NSD2: variants seen among roughly 807,000 people sequenced by gnomAD.
NSD2 encodes the protein histone-lysine N-methyltransferase NSD2.
NSD2 carries 12 observed loss-of-function variants against 139.0 expected under a neutral mutation model. The ratio of observed to expected loss-of-function variants is 0.09; its 90% CI spans 0.06 to 0.14. The LOEUF (loss-of-function observed/expected upper bound fraction) is 0.14, where lower values mean the gene tolerates loss of function less well. Among genes scored for constraint, NSD2 ranks in the 10% least tolerant of loss-of-function variants. The pLI is 1.00. For missense variants in NSD2, 1,155 were observed against 1,745.0 expected (o/e 0.66, Z 6.02); for synonymous variants, 669 against 648.7 (o/e 1.03, Z -0.48).
chr4:1,889,152 C>T (rs539766727), intron 1 of NSD2, among the ~76,000 whole-genome samples: 1 of 152,156 alleles, frequency 6.6e-6, no homozygotes, highest in African/African-American at 2.4e-5. Flanking sequence ...CCCGCTTTGG[C>T]CTCCCAAAGT....
In NSD2 at chr4:1,973,744, C is replaced by G. The variant is rs982615439; in HGVS notation, c.3373-1119C>G. Among the ~76,000 whole-genome samples the G allele has an allele frequency of 1.3e-5, 2 of 152,242 alleles. No individual in the cohort carries two copies. Among genetic ancestry groups the G allele is most frequent in the African/African-American group, 2.4e-5 (1 of 41,468 alleles). ...TGTGAATAGTGACTCCGAAGCCTGC[C>G]GCTTCCTGGGACCATGTTTATCCCA... On this transcript the variant is annotated intron_variant, in intron 18 of 21. Transcript: ENST00000508803. The surrounding 1 kb of genome is among the most constrained non-coding windows in gnomAD (Gnocchi z 5.5).
chr4:1,967,810 G>C (rs1726043126), intron 18 of NSD2, among the ~76,000 whole-genome samples: 1 of 152,182 alleles, frequency 6.6e-6, no homozygotes, highest in South Asian at 2.1e-4. Context: ...GGTTATACAG[G>C]AGTTGGTCAA....
chr4:1,918,182 A>G lies in NSD2; in HGVS notation c.969A>G (p.Glu323=). 1.9e-6 allele frequency: 3 copies of G among 1,613,150 alleles called. No individual in the cohort carries two copies. In the South Asian group the frequency reaches 3.3e-5, roughly 18 times the overall value. The change falls in exon 5 of 22, where the codon GAA becomes GAG. Residue 323 remains glutamate (E), a synonymous_variant. Transcript: ENST00000508803. ...CAGGGAAATTGAGGGCCCAGTGGGA[A>G]ATGGGCATTGTTCAAGCAGAAGAAG... ...PISGKLRAQW[E]MGIVQAEEAA... is the part of the protein sequence containing the mutation.
intron 1 of NSD2, among the ~76,000 whole-genome samples, chr4:1,894,251 C>T (rs1437690239): frequency 6.6e-6 from 1 of 152,218 alleles, no homozygotes; most frequent in Non-Finnish European, 1.5e-5. Flanking sequence ...GCCACCACGC[C>T]TGGTGAAGAT....
At chr4:1,923,544 G>A (rs1168361216) in intron 5 of NSD2, among the ~76,000 whole-genome samples, 2 of 152,152 alleles carry the variant, frequency 1.3e-5, no homozygotes, top group Non-Finnish European at 2.9e-5. Flanking sequence ...GTCATCAGGT[G>A]AGCAGACATC....
chr4:1,978,863 A>C lies in NSD2; in HGVS notation c.4052A>C (p.Lys1351Thr), dbSNP rs569412351. The change falls in exon 22 of 22, where the codon AAG becomes ACG. Residue 1351 changes from lysine to threonine, a missense_variant. Lys to Thr is a moderately conservative substitution (Grantham distance 78). This residue lies in a region of NSD2 where 132 missense variants were observed against 94.3 expected (regional missense o/e 1.40). Coordinates refer to ENST00000508803, the MANE Select transcript of NSD2 (RefSeq NM_001042424.3). ...CCAGAGCCAGGGAAGCCGAAGGGGA[A>C]GAGGCGGCGGCGGAGGGGCTGGCGG... is the stretch of plus-strand genomic sequence containing the variant. ...PPPEPGKPKG[K>T]RRRRRGWRRV... is the part of the protein sequence containing the mutation. 2 of 1,597,690 alleles carry C rather than the reference A, an allele frequency of 1.3e-6. No homozygotes were observed. Among genetic ancestry groups the C allele is most frequent in the Non-Finnish European group, 1.7e-6 (2 of 1,169,394 alleles).
chr4:1,889,433 G>A (rs975728934), intron 1 of NSD2, among the ~76,000 whole-genome samples: 1 of 151,994 alleles, frequency 6.6e-6, no homozygotes, highest in African/African-American at 2.4e-5. Flanking sequence ...GGGCTCAAGC[G>A]ATCCTCCTGC....
At chr4:1,966,342 G>A (rs914030678) in intron 18 of NSD2, among the ~76,000 whole-genome samples, 21 of 127,422 alleles carry the variant, frequency 1.6e-4, no homozygotes, top group Non-Finnish European at 3.0e-4. Context: ...AACTCCATTT[G>A]TTTGTTTGTT....
At chr4:1,962,002 G>T (rs1304192628) in intron 18 of NSD2, among the ~76,000 whole-genome samples, 1 of 152,222 alleles carries the variant, frequency 6.6e-6, no homozygotes, top group Admixed American at 6.5e-5. Context: ...TTGAAAACCA[G>T]ATAGAAAATG....
Position 1,900,642 on chromosome 4 carries a change from G to A in NSD2, c.-13G>A, listed in dbSNP as rs200712844. The stretch of plus-strand genomic sequence containing the variant: ...ATACCATAGTGTTCTAAGAACGGAA[G>A]CATCTGGGCTGGATGGAATTTAGCA... On this transcript the variant is annotated 5_prime_UTR_variant, in exon 2 of 22. Coordinates refer to ENST00000508803, the MANE Select transcript of NSD2 (RefSeq NM_001042424.3). The A allele has an allele frequency of 1.3e-6, 2 of 1,537,798 alleles. No homozygotes were observed. The highest frequency in any genetic ancestry group is 2.5e-5 in the South Asian group (2 of 79,980).
Position 1,974,817 on chromosome 4 carries a change from C to T in NSD2, c.3373-46C>T, listed in dbSNP as rs1287423445. 1 of 1,609,788 alleles carries T rather than the reference C, an allele frequency of 6.2e-7. No homozygotes were observed. The highest frequency in any genetic ancestry group is 8.5e-7 in the Non-Finnish European group (1 of 1,176,364). On this transcript the variant is annotated intron_variant, in intron 18 of 21. Coordinates refer to ENST00000508803, the MANE Select transcript of NSD2 (RefSeq NM_001042424.3). The surrounding 1 kb of genome is among the most constrained non-coding windows in gnomAD (Gnocchi z 4.0). ...TGGTGAAAATTCCCTTTAAAAATAA[C>T]ATGCGATTGCTAACACTTGACCGAA...
At chr4:1,895,601 A>G (rs952716035) in intron 1 of NSD2, among the ~76,000 whole-genome samples, 20 of 152,138 alleles carry the variant, frequency 1.3e-4, no homozygotes, top group Admixed American at 1.2e-3. Flanking sequence ...GTTCTCCTGT[A>G]GAAGACCTTC....
At position 1,957,944 on chromosome 4, in the gene NSD2, G is replaced by A. The variant is rs779205776; in HGVS notation, c.2893G>A (p.Ala965Thr). 22 of 1,614,052 alleles carry A rather than the reference G, an allele frequency of 1.4e-5. 1 individual carries two copies. In the Admixed American group the frequency reaches 3.7e-4, roughly 27 times the overall value. The change falls in exon 16 of 22, where the codon GCT (alanine) becomes ACT (threonine). Residue 965 changes from alanine to threonine, a missense_variant. This residue lies in a region of NSD2 where 139 missense variants were observed against 485.8 expected (regional missense o/e 0.29). Transcript: ENST00000508803. Reference protein sequence around the residue: ...GRVFKNALQEAEARFREIKLQ... With the variant: ...GRVFKNALQETEARFREIKLQ... ...CATTGACTTTTTAGCACTGCAAGAA[G>A]CTGAAGCTCGTTTTCGTGAAATTAA... is the stretch of plus-strand genomic sequence containing the variant.
In NSD2 at chr4:1,972,703, G is replaced by C. The variant is rs1381757827; in HGVS notation, c.3373-2160G>C. Among the ~76,000 whole-genome samples, 1 of 152,230 alleles carries C rather than the reference G, an allele frequency of 6.6e-6. No homozygotes were observed. The highest frequency in any genetic ancestry group is 1.5e-5 in the Non-Finnish European group (1 of 68,048). ...ATGCATTTTATAATCTGTGTGGTGG[G>C]AAAAGCTGCATGCAACTACTCAGCA... On this transcript the variant is annotated intron_variant, in intron 18 of 21. Transcript: ENST00000508803. The surrounding 1 kb of genome is among the most constrained non-coding windows in gnomAD (Gnocchi z 4.0).
chr4:1,981,915 G>A lies in NSD2; in HGVS notation c.*3006G>A. 5.0e-6 allele frequency: 2 copies of A among 398,648 alleles called. No individual in the cohort carries two copies. The highest frequency in any genetic ancestry group is 8.8e-6 in the Non-Finnish European group (2 of 226,072). The allele number at this position is 398,648 out of a possible 1,614,324, so 24.7% of individuals were successfully genotyped here. A position where few individuals can be genotyped will look rare whatever the true frequency, so the allele number is the denominator to read the frequency against. ...CACAGCCTCACCATACCCTGTTGAG[G>A]TGTGAAATGCCCCGTCAGAAATTAA... On this transcript the variant is annotated 3_prime_UTR_variant, in exon 22 of 22. Transcript: ENST00000508803.
intron 8 of NSD2, among the ~76,000 whole-genome samples, chr4:1,938,960 C>T (rs1409498522): frequency 1.3e-5 from 2 of 152,098 alleles, no homozygotes; most frequent in East Asian, 3.8e-4. Context: ...GCTAAAGAAA[C>T]TAGCTTAAAA....
chr4:1,928,033 G>A (rs1193535531), intron 5 of NSD2, among the ~76,000 whole-genome samples: 1 of 151,578 alleles, frequency 6.6e-6, no homozygotes, highest in Non-Finnish European at 1.5e-5. Flanking sequence ...GTGACTACAG[G>A]CACTTGCCAC....
At chr4:1,930,483 T>G in intron 5 of NSD2, 143 bp from the exon 6 acceptor site, 1 of 878,140 alleles carries the variant, frequency 1.1e-6, no homozygotes, top group Non-Finnish European at 1.6e-6. Context: ...TCTTTGAAGC[T>G]TTTATGGACA....
intron 5 of NSD2, among the ~76,000 whole-genome samples, chr4:1,921,342 C>T (rs1026415004): frequency 1.3e-5 from 2 of 151,982 alleles, no homozygotes; most frequent in African/African-American, 4.8e-5. Flanking sequence ...GCCTGTACTT[C>T]CGGCTATGTG....
Sources: allele counts gnomAD v4.1 joint callset (sites outside exome capture counted in the v4.1 genomes callset), GRCh38; gene constraint gnomAD v4.1.1; regional missense constraint gnomAD v4.1.1; non-coding constraint Gnocchi (gnomAD v3.1); transcripts MANE v1.5; gene names NCBI Gene and HGNC (gene_info 2026-07-23, HGNC 2026-07-21).